Variants in LRRN1 observed in about 807,000 individuals in gnomAD.
LRRN1 encodes leucine rich repeat neuronal 1.
Under a neutral mutation model 45.8 loss-of-function variants are expected in LRRN1, and 14 were observed. That is an observed-to-expected ratio of 0.31 (90% CI 0.20 to 0.48). The LOEUF is 0.48. Ranked by LOEUF, LRRN1 falls within the 20% of genes least tolerant of loss-of-function variation. The pLI is 0.99. For synonymous variants in LRRN1, 359 were observed against 330.1 expected, an observed-to-expected ratio of 1.09 and a Z score of -0.95; for missense variants, 789 against 874.2, an observed-to-expected ratio of 0.90 and a Z score of 1.23.
At chr3:3,842,527 A>G (rs1282670040) in intron 1 of LRRN1, among the ~76,000 whole-genome samples, 1 of 152,096 alleles carries the variant, frequency 6.6e-6, no homozygotes, top group African/African-American at 2.4e-5. Context: ...AGTATTGGCC[A>G]TTTGTATTCT....
At position 3,844,983 on chromosome 3, in the gene LRRN1, G is replaced by A. The variant is rs35587609; in HGVS notation, c.342G>A (p.Gly114=). ...QNNFTNIKEV[G]LANLTQLTTL... ...ACTTTACTAACATTAAGGAGGTCGGGCTGGCAAACCTAACCCAGCTCACAA... is the reference window on the plus strand; with the variant it reads ...ACTTTACTAACATTAAGGAGGTCGGACTGGCAAACCTAACCCAGCTCACAA... The change falls in exon 2 of 2, where the codon GGG becomes GGA. Residue 114 remains glycine, a synonymous_variant. Coordinates refer to ENST00000319331, the MANE Select transcript of LRRN1 (RefSeq NM_020873.7). The A allele has an allele frequency of 1.9e-6, 3 of 1,614,084 alleles. No individual in the cohort carries two copies. Among genetic ancestry groups the A allele is most frequent in the South Asian group, 1.1e-5 (1 of 91,082 alleles).
intron 1 of LRRN1, among the ~76,000 whole-genome samples, chr3:3,812,893 G>A (rs1435334278): frequency 2.0e-5 from 3 of 150,584 alleles, no homozygotes; most frequent in East Asian, 3.9e-4. Context: ...GCATGTGAAC[G>A]TGGCACATAG....
chr3:3,844,578 TA>T lies in LRRN1; in HGVS notation c.-63del. 8.2e-7 allele frequency: 1 copy of T among 1,226,278 alleles called. No individual in the cohort carries two copies. The allele number at this position is 1,226,278 out of a possible 1,614,324, so 76.0% of individuals were successfully genotyped here. On this transcript the variant is annotated 5_prime_UTR_variant, in exon 2 of 2. An upstream open reading frame in the 5' UTR gains an earlier in-frame stop. Transcript: ENST00000319331. ...CTGCTCGCTGTCCTACATATCACAA[TA>T]TAGTGTTCACGTTTTGTTAAAACTT...
chr3:3,820,595 A>G (rs1326931399), intron 1 of LRRN1, among the ~76,000 whole-genome samples: 1 of 152,226 alleles, frequency 6.6e-6, no homozygotes, highest in Non-Finnish European at 1.5e-5. Flanking sequence ...GGTTTAGGTA[A>G]AAGAATTCTT....
At chr3:3,817,051 C>T (rs1693001498) in intron 1 of LRRN1, among the ~76,000 whole-genome samples, 1 of 152,290 alleles carries the variant, frequency 6.6e-6, no homozygotes, top group Non-Finnish European at 1.5e-5. Context: ...AGCCCCACCA[C>T]CTGCCATCTA....
At position 3,848,104 on chromosome 3, in the gene LRRN1, A is replaced by T. The variant is rs2106474445; in HGVS notation, c.*1312A>T. Among the ~76,000 whole-genome samples the T allele has an allele frequency of 6.6e-6, 1 of 152,320 alleles. No individual in the cohort carries two copies. The highest frequency in any genetic ancestry group is 1.9e-4 in the East Asian group (1 of 5,184). ...ACAAAAACGTCTGTGGAGTGTCACA[A>T]ACTGTATGACATGTTATTTCTTTTT... On this transcript the variant is annotated 3_prime_UTR_variant, in exon 2 of 2. Coordinates refer to ENST00000319331, the MANE Select transcript of LRRN1 (RefSeq NM_020873.7).
chr3:3,810,598 T>G (rs1280713599), intron 1 of LRRN1, among the ~76,000 whole-genome samples: 1 of 152,188 alleles, frequency 6.6e-6, no homozygotes, highest in African/African-American at 2.4e-5. Flanking sequence ...TCCCAGTTAC[T>G]TGGGAGGCTG....
chr3:3,843,799 A>G (rs1428881349), intron 1 of LRRN1, among the ~76,000 whole-genome samples: 1 of 152,260 alleles, frequency 6.6e-6, no homozygotes, highest in Non-Finnish European at 1.5e-5. Context: ...TGTCTGCAGA[A>G]TGTAGCATTT....
Position 3,845,009 on chromosome 3 carries a change from C to T in LRRN1, c.368C>T (p.Thr123Met), listed in dbSNP as rs755061833. 5.0e-6 allele frequency: 8 copies of T among 1,613,976 alleles called. No homozygotes were observed. Among genetic ancestry groups the T allele is most frequent in the East Asian group, 2.2e-5 (1 of 44,858 alleles). Residue 123 changes from threonine to methionine, a missense_variant, in exon 2 of 2, where the codon ACG becomes ATG. Coordinates refer to ENST00000319331, the MANE Select transcript of LRRN1 (RefSeq NM_020873.7). This position sits in a 1 kb window ranked among gnomAD's most constrained non-coding sequence, Gnocchi z 6.5. The stretch of plus-strand genomic sequence containing the variant: ...CTGGCAAACCTAACCCAGCTCACAA[C>T]GCTGCATTTGGAGGAAAATCAGATT... Reference protein sequence around the residue: ...VGLANLTQLTTLHLEENQITE... With the variant: ...VGLANLTQLTMLHLEENQITE...
intron 1 of LRRN1, among the ~76,000 whole-genome samples, chr3:3,807,823 A>G (rs920330452): frequency 5.3e-5 from 8 of 152,192 alleles, no homozygotes; most frequent in Admixed American, 1.3e-4. Flanking sequence ...TTGTTATTCC[A>G]GCTGACTGTG....
At chr3:3,803,697 A>G (rs557787933) in intron 1 of LRRN1, among the ~76,000 whole-genome samples, 3 of 152,342 alleles carry the variant, frequency 2.0e-5, no homozygotes, top group Admixed American at 6.5e-5. Flanking sequence ...ATGAAGTCAG[A>G]AAAACATTTA....
In LRRN1 at chr3:3,841,900, G is replaced by C. The variant is rs556159261; in HGVS notation, c.-278-2464G>C. On this transcript the variant is annotated intron_variant, in intron 1 of 1. Coordinates refer to ENST00000319331, the MANE Select transcript of LRRN1 (RefSeq NM_020873.7). Reference sequence around the variant, plus strand: ...ATACTGAAAAGTTTTGCAAATACAAGCATGTCACTTAATGATGGGGATGTG... The same window carrying C: ...ATACTGAAAAGTTTTGCAAATACAACCATGTCACTTAATGATGGGGATGTG... Among the ~76,000 whole-genome samples the C allele has an allele frequency of 4.6e-5, 7 of 152,258 alleles. No individual in the cohort carries two copies. The East Asian group carries it at 1.2e-3, about 25-fold the overall frequency.
intron 1 of LRRN1, among the ~76,000 whole-genome samples, chr3:3,828,142 ATAT>A (rs1693269163): frequency 6.7e-6 from 1 of 148,664 alleles, no homozygotes; most frequent in Non-Finnish European, 1.5e-5. Context: ...TTATATATAT[ATAT>A]ATATATATTA....
chr3:3,801,028 C>A (rs1692640554), intron 1 of LRRN1: 1 of 152,272 alleles, frequency 6.6e-6, no homozygotes, highest in African/African-American at 2.4e-5. Flanking sequence ...CCGCGTGTCC[C>A]GGGACGGTTC....
chr3:3,820,466 C>A (rs1693078959), intron 1 of LRRN1, among the ~76,000 whole-genome samples: 1 of 152,100 alleles, frequency 6.6e-6, no homozygotes, highest in South Asian at 2.1e-4. Flanking sequence ...AAGTTATTTT[C>A]TATGTAAACC....
chr3:3,820,111 A>T (rs1452277219), intron 1 of LRRN1, among the ~76,000 whole-genome samples: 5 of 152,186 alleles, frequency 3.3e-5, no homozygotes, highest in Non-Finnish European at 5.9e-5. Context: ...CTCAAAAACC[A>T]TGTCTACCTT....
intron 1 of LRRN1, among the ~76,000 whole-genome samples, chr3:3,838,423 T>A (rs1693573244): frequency 6.6e-6 from 1 of 152,174 alleles, no homozygotes; most frequent in Non-Finnish European, 1.5e-5. Flanking sequence ...TATCCATTCA[T>A]TTGTCAATGG....
At chr3:3,807,209 TA>T (rs139761073) in intron 1 of LRRN1, among the ~76,000 whole-genome samples, 1 of 152,030 alleles carries the variant, frequency 6.6e-6, no homozygotes, top group Non-Finnish European at 1.5e-5. Flanking sequence ...CTTAGCCACT[TA>T]AAAAAAGACT....
At position 3,844,918 on chromosome 3, in the gene LRRN1, C is replaced by A. The variant is rs1449017504; in HGVS notation, c.277C>A (p.Gln93Lys). ...CGCAAAGACTGTGGATGAGCTGCAG[C>A]AGCTTTTCAACTTGACTGAACTAGA... ...NIAKTVDELQ[Q>K]LFNLTELDFS... The change falls in exon 2 of 2, where the codon CAG (glutamine) becomes AAG (lysine). Residue 93 changes from glutamine to lysine, a missense_variant. Gln to Lys is a moderately conservative substitution (Grantham distance 53). Coordinates refer to ENST00000319331, the MANE Select transcript of LRRN1 (RefSeq NM_020873.7). 2.2e-5 allele frequency: 35 copies of A among 1,614,034 alleles called. No homozygotes were observed. The highest frequency in any genetic ancestry group is 7.7e-5 in the South Asian group (7 of 91,090).
Sources: allele counts gnomAD v4.1 joint callset (sites outside exome capture counted in the v4.1 genomes callset), GRCh38; gene constraint gnomAD v4.1.1; non-coding constraint Gnocchi (gnomAD v3.1); transcripts MANE v1.5; gene names NCBI Gene and HGNC (gene_info 2026-07-23, HGNC 2026-07-21).